The following IL17RD variants were observed in gnomAD, a reference collection of about 807,000 sequenced individuals.
IL17RD encodes the protein interleukin 17 receptor D.
A neutral mutation model predicts 80.5 loss-of-function variants in IL17RD; 52 were observed. The ratio of observed to expected loss-of-function variants is 0.65; its 90% CI spans 0.52 to 0.81. The LOEUF (loss-of-function observed/expected upper bound fraction) is 0.81, where lower values mean the gene tolerates loss of function less well. Ranked by LOEUF, IL17RD falls within the 40% of genes least tolerant of loss-of-function variation. IL17RD has a pLI of 0.00. For synonymous variants in IL17RD, 416 were observed against 391.8 expected (o/e 1.06, Z -0.73); for missense variants, 1,024 against 955.1 (o/e 1.07, Z -0.95).
intron 1 of IL17RD, among the ~76,000 whole-genome samples, chr3:57,135,145 C>A (rs946629173): frequency 5.3e-5 from 8 of 151,302 alleles, no homozygotes; most frequent in African/African-American, 1.2e-4. Context: ...AAAAAACACA[C>A]AAAAAAAACA....
intron 1 of IL17RD, chr3:57,134,845 G>A: frequency 5.7e-6 from 2 of 353,806 alleles, no homozygotes; most frequent in East Asian, 1.3e-4. Flanking sequence ...TAGGTGTGGT[G>A]GCTCAATCCT....
chr3:57,136,328 G>A (rs1707724383), intron 1 of IL17RD, among the ~76,000 whole-genome samples: 1 of 152,118 alleles, frequency 6.6e-6, no homozygotes, highest in Admixed American at 6.5e-5. Context: ...AAGAAAGAAT[G>A]AGCTCTGCCT....
intron 11 of IL17RD, among the ~76,000 whole-genome samples, chr3:57,100,380 T>C (rs1706800188): frequency 1.3e-5 from 2 of 152,344 alleles, no homozygotes; most frequent in East Asian, 3.9e-4. Flanking sequence ...ACAGTTATTG[T>C]ACAGTTCTTG....
upstream of IL17RD, among the ~76,000 whole-genome samples, chr3:57,167,935 A>G (rs943466496): frequency 6.6e-6 from 1 of 152,052 alleles, no homozygotes; most frequent in Non-Finnish European, 1.5e-5. Context: ...GGTTCAAGCG[A>G]TTCTCCTGCC....
At chr3:57,123,531 G>T (rs1707384687) in intron 1 of IL17RD, among the ~76,000 whole-genome samples, 1 of 152,204 alleles carries the variant, frequency 6.6e-6, no homozygotes, top group Admixed American at 6.5e-5. Flanking sequence ...CACACTGTGT[G>T]TTCCTGACAC....
rs1238037623 is a variant in IL17RD at position 57,127,271 on chromosome 3, TA to T, written c.127-6959del. Among the ~76,000 whole-genome samples, 468 of 91,228 alleles carry T rather than the reference TA, an allele frequency of 5.1e-3. 55 individuals are homozygous for T. In the East Asian group the frequency reaches 0.085, roughly 16 times the overall value. 59.8% of individuals were successfully genotyped at this position (91,228 alleles called of 152,430 possible). On this transcript the variant is annotated intron_variant, in intron 1 of 12. Transcript: ENST00000296318. ...ATATATAAATATATATAAATATATA[TA>T]AAAATATATATAAATATATATAAAT...
chr3:57,104,884 C>T (rs753660022), intron 7 of IL17RD, among the ~76,000 whole-genome samples: 3 of 152,146 alleles, frequency 2.0e-5, no homozygotes, highest in Non-Finnish European at 2.9e-5. Flanking sequence ...TTTGCCACCA[C>T]GACCAAAAAC....
chr3:57,153,904 G>A (rs2060247921), intron 1 of IL17RD, among the ~76,000 whole-genome samples: 1 of 151,884 alleles, frequency 6.6e-6, no homozygotes, highest in African/African-American at 2.4e-5. Context: ...TTGAGGGGTT[G>A]GGGGGTTGGG....
intron 1 of IL17RD, among the ~76,000 whole-genome samples, chr3:57,162,436 G>A (rs2060311837): frequency 6.6e-6 from 1 of 152,186 alleles, no homozygotes; most frequent in Non-Finnish European, 1.5e-5. Context: ...TATGGACTAA[G>A]TACCTCTTAT....
intron 1 of IL17RD, among the ~76,000 whole-genome samples, chr3:57,145,489 G>C (rs1230104402): frequency 6.6e-6 from 1 of 152,198 alleles, no homozygotes; most frequent in East Asian, 1.9e-4. Flanking sequence ...AAATAAAGCT[G>C]TGTCTCAATT....
chr3:57,166,237 C>G (rs578035707), upstream of IL17RD, among the ~76,000 whole-genome samples: 255 of 152,294 alleles, frequency 1.7e-3, 2 homozygotes, highest in Middle Eastern at 3.4e-3. Flanking sequence ...TCCACTACCC[C>G]CTTCCTCAAG....
chr3:57,156,170 A>C (rs964209263), intron 1 of IL17RD, among the ~76,000 whole-genome samples: 1 of 152,200 alleles, frequency 6.6e-6, no homozygotes, highest in African/African-American at 2.4e-5. Flanking sequence ...GTATGTCCCA[A>C]GGTGAAAAGT....
At chr3:57,119,358 A>C (rs1278021719) in intron 2 of IL17RD, among the ~76,000 whole-genome samples, 1 of 147,576 alleles carries the variant, frequency 6.8e-6, no homozygotes, top group East Asian at 2.0e-4. Flanking sequence ...TCTCAAAAAA[A>C]ACAAAAACAA....
At chr3:57,147,225 G>C (rs967690565) in intron 1 of IL17RD, among the ~76,000 whole-genome samples, 1 of 152,086 alleles carries the variant, frequency 6.6e-6, no homozygotes, top group Admixed American at 6.6e-5. Context: ...TTACCATGTG[G>C]CCAGGCACAG....
intron 1 of IL17RD, among the ~76,000 whole-genome samples, chr3:57,121,659 A>G (rs886590575): frequency 2.6e-4 from 39 of 152,164 alleles, no homozygotes; most frequent in African/African-American, 9.2e-4. Context: ...ACCTGAACTA[A>G]AACACTTTGG....
chr3:57,151,607 C>T (rs371182332), intron 1 of IL17RD, among the ~76,000 whole-genome samples: 2 of 152,002 alleles, frequency 1.3e-5, no homozygotes, highest in East Asian at 3.9e-4. Context: ...AGATGGGACC[C>T]CTAAATCAGG....
intron 2 of IL17RD, among the ~76,000 whole-genome samples, chr3:57,118,497 G>A (rs1707265048): frequency 6.6e-6 from 1 of 152,280 alleles, no homozygotes; most frequent in South Asian, 2.1e-4. Flanking sequence ...TTAATCAGAT[G>A]CCAGACGTCA....
intron 1 of IL17RD, among the ~76,000 whole-genome samples, chr3:57,157,554 C>G (rs998092574): frequency 6.6e-6 from 1 of 152,202 alleles, no homozygotes; most frequent in Non-Finnish European, 1.5e-5. Flanking sequence ...AAATCCTAAC[C>G]GTGTGAGTGC....
intron 1 of IL17RD, among the ~76,000 whole-genome samples, chr3:57,143,006 G>A (rs1707859507): frequency 6.6e-6 from 1 of 152,110 alleles, no homozygotes; most frequent in African/African-American, 2.4e-5. Context: ...GTAAATGAGT[G>A]TTTCAAACGG....
Sources: allele counts gnomAD v4.1 joint callset (sites outside exome capture counted in the v4.1 genomes callset), GRCh38; gene constraint gnomAD v4.1.1; transcripts MANE v1.5; gene names NCBI Gene and HGNC (gene_info 2026-07-23, HGNC 2026-07-21).